Variants in NLN observed in about 807,000 individuals in gnomAD.
The protein encoded by NLN is neurolysin, also known as neurolysin, mitochondrial.
In NLN, 64 loss-of-function variants were observed where a neutral mutation model predicts 79.9. The observed-to-expected ratio is 0.80, with a 90% CI of 0.65 to 0.99. The LOEUF is 0.99. NLN is among the 50% of genes least tolerant of loss of function. NLN has a pLI of 0.00. For synonymous variants in NLN, 267 were observed against 296.6 expected (o/e 0.90, Z 1.02); for missense variants, 835 against 858.7 (o/e 0.97, Z 0.34).
At chr5:65,753,309 C>T (rs779839384) in intron 1 of NLN, among the ~76,000 whole-genome samples, 2 of 152,134 alleles carry the variant, frequency 1.3e-5, no homozygotes, top group East Asian at 1.9e-4. Flanking sequence ...TGAAAACCAA[C>T]GAAGGTCATC....
intron 8 of NLN, among the ~76,000 whole-genome samples, chr5:65,790,245 A>C (rs549115653): frequency 6.1e-4 from 93 of 152,278 alleles, no homozygotes; most frequent in Non-Finnish European, 1.9e-4. Context: ...TAATCCACTG[A>C]CTTTGAGTGC....
At chr5:65,770,866 G>A (rs1040559774) in intron 3 of NLN, among the ~76,000 whole-genome samples, 4 of 152,070 alleles carry the variant, frequency 2.6e-5, no homozygotes, top group Non-Finnish European at 4.4e-5. Flanking sequence ...TAAAAGTGAA[G>A]GAAAGAAACT....
At chr5:65,732,954 C>G in intron 1 of NLN, 1 of 562,648 alleles carries the variant, frequency 1.8e-6, no homozygotes, top group Non-Finnish European at 3.3e-6. Flanking sequence ...AACAGGCTTC[C>G]CCATTGCAGT....
At chr5:65,775,089 T>C (rs1759651485) in intron 3 of NLN, among the ~76,000 whole-genome samples, 2 of 152,314 alleles carry the variant, frequency 1.3e-5, no homozygotes, top group South Asian at 4.1e-4. Context: ...TTCTACCTGT[T>C]TGCACCTGTG....
chr5:65,811,744 C>T (rs1244295915), intron 11 of NLN, among the ~76,000 whole-genome samples: 1 of 151,872 alleles, frequency 6.6e-6, no homozygotes, highest in African/African-American at 2.4e-5. Context: ...ATCCCTTGAA[C>T]CTGGGATGCT....
Position 65,816,346 on chromosome 5 carries a change from G to A in NLN, c.1980+3955G>A, listed in dbSNP as rs141578407. ...CTAAATGATGCGAACACATGGACACGTAGAGGAGAACAGCACACACTGGGG... is the reference window on the plus strand; with the variant it reads ...CTAAATGATGCGAACACATGGACACATAGAGGAGAACAGCACACACTGGGG... On this transcript the variant is annotated intron_variant, in intron 12 of 12. Transcript: ENST00000380985. 1.3e-3 allele frequency among the ~76,000 whole-genome samples: 194 copies of A among 152,164 alleles called. 1 individual carries two copies. Among genetic ancestry groups the A allele is most frequent in the African/African-American group, 4.4e-3 (183 of 41,520 alleles).
At chr5:65,819,153 A>C (rs889995592) in intron 12 of NLN, among the ~76,000 whole-genome samples, 1 of 151,982 alleles carries the variant, frequency 6.6e-6, no homozygotes, top group Non-Finnish European at 1.5e-5. Context: ...CTTTATTAGG[A>C]GATAGAACTA....
At chr5:65,726,269 A>G (rs1277008551) in intron 1 of NLN, among the ~76,000 whole-genome samples, 1 of 152,226 alleles carries the variant, frequency 6.6e-6, no homozygotes. Flanking sequence ...ACTTGGTCAC[A>G]TATAACTCAA....
chr5:65,725,461 TA>T lies in NLN; in HGVS notation c.41+3051del, dbSNP rs202052808. The stretch of plus-strand genomic sequence containing the variant: ...GGATGTTGAATCCATGCCTGTTTTT[TA>T]AAACATTAAGCATAAGTCCTTCGGA... On this transcript the variant is annotated intron_variant, in intron 1 of 12. Coordinates refer to ENST00000380985, the MANE Select transcript of NLN (RefSeq NM_020726.5). Among the ~76,000 whole-genome samples, 1,063 of 152,358 alleles carry T rather than the reference TA, an allele frequency of 7.0e-3. 39 individuals carry two copies. Among genetic ancestry groups the T allele is most frequent in the Admixed American group, 0.062 (954 of 15,302 alleles).
chr5:65,822,771 AT>A lies in NLN; in HGVS notation c.1981-6del. The A allele has an allele frequency of 6.2e-7, 1 of 1,605,592 alleles. No individual in the cohort carries two copies. The highest frequency in any genetic ancestry group is 8.5e-7 in the Non-Finnish European group (1 of 1,172,248). On this transcript the variant is annotated splice_polypyrimidine_tract_variant and intron_variant, in intron 12 of 12. Transcript: ENST00000380985. Reference sequence around the variant, plus strand: ...CATGAATTATTAGGTATGATGTTTTATTTTATTAGGTTGGAATGAAATACAG... The same window carrying A: ...CATGAATTATTAGGTATGATGTTTTATTTATTAGGTTGGAATGAAATACAG...
At chr5:65,822,063 A>T (rs1030580161) in intron 12 of NLN, among the ~76,000 whole-genome samples, 9 of 152,232 alleles carry the variant, frequency 5.9e-5, no homozygotes, top group Non-Finnish European at 1.3e-4. Flanking sequence ...CCTTAAAAGG[A>T]CAGTGAAAGG....
At chr5:65,791,628 C>T (rs1319407647) in intron 8 of NLN, among the ~76,000 whole-genome samples, 1 of 151,776 alleles carries the variant, frequency 6.6e-6, no homozygotes, top group African/African-American at 2.4e-5. Context: ...GAGGCAGAGG[C>T]AGGAGAATTG....
At chr5:65,795,032 T>C (rs1760143944) in intron 9 of NLN, among the ~76,000 whole-genome samples, 1 of 152,140 alleles carries the variant, frequency 6.6e-6, no homozygotes, top group African/African-American at 2.4e-5. Context: ...GAATAATCTT[T>C]CTTTCTTAGG....
intron 3 of NLN, among the ~76,000 whole-genome samples, chr5:65,763,767 G>T (rs117141451): frequency 6.6e-6 from 1 of 151,144 alleles, no homozygotes; most frequent in Admixed American, 6.6e-5. Flanking sequence ...TTAGCAGACC[G>T]TGACAAGAGT....
chr5:65,801,959 T>C (rs1760294199), intron 9 of NLN, among the ~76,000 whole-genome samples: 1 of 152,228 alleles, frequency 6.6e-6, no homozygotes, highest in Admixed American at 6.5e-5. Flanking sequence ...ACAAAGTCTG[T>C]ATTTTTGTCA....
chr5:65,799,513 G>A (rs953003075), intron 9 of NLN, among the ~76,000 whole-genome samples: 12 of 152,138 alleles, frequency 7.9e-5, no homozygotes, highest in African/African-American at 2.9e-4. Flanking sequence ...GATATTTATT[G>A]GACATCCTCT....
intron 3 of NLN, among the ~76,000 whole-genome samples, chr5:65,775,455 C>G (rs1427312290): frequency 6.6e-6 from 1 of 152,170 alleles, no homozygotes; most frequent in Non-Finnish European, 1.5e-5. Flanking sequence ...TCGCCTGGGT[C>G]CTTAACAACT....
Position 65,763,032 on chromosome 5 carries a change from C to G in NLN, c.374C>G (p.Ala125Gly). ...DKEVRAASTE[A>G]DKRLSRFDIE... ...GAAGTACGAGCAGCAAGTACAGAAG[C>G]AGACAAAAGACTTTCTCGTTTTGAT... Residue 125 changes from alanine to glycine, a missense_variant, in exon 3 of 13, where the codon GCA becomes GGA. Ala to Gly is a moderately conservative substitution (Grantham distance 60). Coordinates refer to ENST00000380985, the MANE Select transcript of NLN (RefSeq NM_020726.5). 6.2e-7 allele frequency: 1 copy of G among 1,613,702 alleles called. No homozygotes were observed. Among genetic ancestry groups the G allele is most frequent in the East Asian group, 2.2e-5 (1 of 44,850 alleles).
chr5:65,775,690 G>A (rs560142549), intron 3 of NLN, among the ~76,000 whole-genome samples: 2 of 152,294 alleles, frequency 1.3e-5, no homozygotes, highest in South Asian at 4.1e-4. Flanking sequence ...TGGAGCTGCT[G>A]GCCACCCCTG....
Sources: allele counts gnomAD v4.1 joint callset (sites outside exome capture counted in the v4.1 genomes callset), GRCh38; gene constraint gnomAD v4.1.1; transcripts MANE v1.5; gene names NCBI Gene and HGNC (gene_info 2026-07-23, HGNC 2026-07-21).